Variants in SLC2A9 observed in about 807,000 individuals in gnomAD.
SLC2A9 encodes solute carrier family 2 member 9.
Under a neutral mutation model 50.6 loss-of-function variants are expected in SLC2A9, and 39 were observed. The observed-to-expected ratio is 0.77, with a 90% confidence interval of 0.60 to 1.01. The LOEUF (loss-of-function observed/expected upper bound fraction) is 1.01, where lower values mean the gene tolerates loss of function less well. Among genes scored for constraint, SLC2A9 ranks in the 50% least tolerant of loss-of-function variants. The pLI is 0.00. For missense variants in SLC2A9, 686 were observed against 677.6 expected, an observed-to-expected ratio of 1.01 and a Z score of -0.14; for synonymous variants, 324 against 276.9, an observed-to-expected ratio of 1.17 and a Z score of -1.69.
At chr4:9,848,597 A>T (rs1287774933) in intron 10 of SLC2A9, among the ~76,000 whole-genome samples, 1 of 152,154 alleles carries the variant, frequency 6.6e-6, no homozygotes, top group Non-Finnish European at 1.5e-5. Flanking sequence ...CCCCATAGCC[A>T]ATCATGTCTG....
intron 5 of SLC2A9, among the ~76,000 whole-genome samples, chr4:9,964,842 C>G (rs1424972954): frequency 6.6e-6 from 1 of 152,184 alleles, no homozygotes; most frequent in African/African-American, 2.4e-5. Context: ...TCTCCATCAA[C>G]AAGTCAGGAC....
intron 6 of SLC2A9, among the ~76,000 whole-genome samples, chr4:9,938,270 ATT>A (rs35270015): frequency 2.1e-3 from 244 of 118,158 alleles, no homozygotes; most frequent in East Asian, 7.4e-3. Context: ...ATCTTTTGCT[ATT>A]TTTTTTTTTT....
chr4:9,872,506 T>A (rs1519099), intron 10 of SLC2A9, among the ~76,000 whole-genome samples: 139,119 of 152,368 alleles, frequency 0.91, 63,773 homozygotes, highest in Non-Finnish European at 0.93. Flanking sequence ...TTCCAAACGC[T>A]TGAATGAATA....
rs560343974 is a variant in SLC2A9 at position 9,863,392 on chromosome 4, C to T, written c.1291+24175G>A. 7.9e-5 allele frequency among the ~76,000 whole-genome samples: 12 copies of T among 152,106 alleles called. No homozygotes were observed. The South Asian group carries it at 2.5e-3, about 32-fold the overall frequency. On this transcript the variant is annotated intron_variant, in intron 10 of 11. Coordinates refer to ENST00000264784, the MANE Select transcript of SLC2A9 (RefSeq NM_020041.3). ...GAACTCATGAGCTCAAGAAATCCTT[C>T]TGCTTCAGCCTCCCAAAGTATCGGA...
chr4:9,965,788 T>C (rs1437783061), intron 5 of SLC2A9, among the ~76,000 whole-genome samples: 1 of 152,250 alleles, frequency 6.6e-6, no homozygotes, highest in Non-Finnish European at 1.5e-5. Flanking sequence ...TATAGTTGTA[T>C]GCTAACAAAT....
downstream of SLC2A9, among the ~76,000 whole-genome samples, chr4:9,775,556 C>A (rs1232276166): frequency 6.6e-6 from 1 of 151,972 alleles, no homozygotes; most frequent in Non-Finnish European, 1.5e-5. Flanking sequence ...GGGGGTAGAT[C>A]CCCCATGGCT....
intron 3 of SLC2A9, among the ~76,000 whole-genome samples, chr4:9,992,966 C>T (rs776862678): frequency 1.3e-5 from 2 of 152,202 alleles, no homozygotes; most frequent in African/African-American, 2.4e-5. Flanking sequence ...GTATCTCTAC[C>T]ATCCATGCAC....
intron 2 of SLC2A9, among the ~76,000 whole-genome samples, chr4:10,003,318 A>C (rs1367938404): frequency 6.6e-6 from 1 of 152,186 alleles, no homozygotes; most frequent in Non-Finnish European, 1.5e-5. Flanking sequence ...AATGAAAAGG[A>C]TGCTGATTGG....
At chr4:9,942,303 CG>C (rs1324276554) in intron 5 of SLC2A9, among the ~76,000 whole-genome samples, 1 of 152,200 alleles carries the variant, frequency 6.6e-6, no homozygotes, top group Non-Finnish European at 1.5e-5. Context: ...GAAAAGCAGG[CG>C]GCTCTGGTTG....
intron 5 of SLC2A9, among the ~76,000 whole-genome samples, chr4:9,979,004 G>A (rs1439207913): frequency 6.6e-6 from 1 of 152,206 alleles, no homozygotes; most frequent in Non-Finnish European, 1.5e-5. Context: ...GCTGGCCCTA[G>A]AGTCAGTGAG....
intron 10 of SLC2A9, among the ~76,000 whole-genome samples, chr4:9,846,275 A>G (rs1267903419): frequency 1.3e-5 from 2 of 152,248 alleles, no homozygotes; most frequent in African/African-American, 4.8e-5. Context: ...ATCAGCAAAT[A>G]GAACTCATGC....
At chr4:9,989,190 C>T (rs1757254736) in intron 3 of SLC2A9, among the ~76,000 whole-genome samples, 1 of 152,202 alleles carries the variant, frequency 6.6e-6, no homozygotes, top group Non-Finnish European at 1.5e-5. Context: ...CACCCCCTTT[C>T]ATTACATATG....
At chr4:9,934,492 A>C (rs977070781) in intron 6 of SLC2A9, among the ~76,000 whole-genome samples, 1 of 152,170 alleles carries the variant, frequency 6.6e-6, no homozygotes, top group African/African-American at 2.4e-5. Flanking sequence ...TTCTTGGAGG[A>C]AGTTTCCATC....
chr4:9,894,438 G>A (rs1370904586), intron 8 of SLC2A9, among the ~76,000 whole-genome samples: 4 of 152,124 alleles, frequency 2.6e-5, no homozygotes, highest in Non-Finnish European at 5.9e-5. Flanking sequence ...CTCTGGTTGG[G>A]GGAATATGTG....
chr4:9,985,894 T>C (rs750262395), intron 3 of SLC2A9, 101 bp from the exon 4 acceptor site: 38 of 1,537,586 alleles, frequency 2.5e-5, no homozygotes, highest in Non-Finnish European at 3.3e-5. Flanking sequence ...GAAGGGTGAG[T>C]AGAGCAAGAC....
At chr4:9,782,576 G>C (rs746801776) in intron 3 of SLC2A9, 2 of 1,613,926 alleles carry the variant, frequency 1.2e-6, no homozygotes, top group Non-Finnish European at 1.7e-6. Flanking sequence ...CTGGCACAGG[G>C]ACCAGGCGGC....
chr4:9,818,243 T>C (rs1349788960), intron 3 of SLC2A9, among the ~76,000 whole-genome samples: 1 of 152,184 alleles, frequency 6.6e-6, no homozygotes, highest in Non-Finnish European at 1.5e-5. Context: ...TATTTCTTCC[T>C]GGATCTGTTA....
chr4:9,917,803 G>A (rs1307762647), intron 7 of SLC2A9, among the ~76,000 whole-genome samples: 1 of 152,188 alleles, frequency 6.6e-6, no homozygotes, highest in Non-Finnish European at 1.5e-5. Context: ...ACAGCTGGTG[G>A]GGCAGATGGT....
At chr4:9,784,781 T>C (rs1189877592) in intron 3 of SLC2A9, among the ~76,000 whole-genome samples, 1 of 152,216 alleles carries the variant, frequency 6.6e-6, no homozygotes, top group Non-Finnish European at 1.5e-5. Context: ...TGGAAGCAAA[T>C]GAAATGTGAA....
Sources: gnomAD v4.1 joint callset for allele counts (sites outside exome capture counted in the v4.1 genomes callset) on GRCh38, gnomAD v4.1.1 for gene constraint, MANE v1.5 for transcripts, NCBI Gene and HGNC (gene_info 2026-07-23, HGNC 2026-07-21) for gene names.